Variants in NCALD observed in about 807,000 individuals in gnomAD.
NCALD encodes neurocalcin-delta.
Under a neutral mutation model 18.6 loss-of-function variants are expected in NCALD, and 10 were observed. The observed-to-expected ratio is 0.54, with a 90% CI of 0.33 to 0.91. The LOEUF is 0.91. Ranked by LOEUF, NCALD falls within the 40% of genes least tolerant of loss-of-function variation. The probability of loss-of-function intolerance (pLI) is 0.03; values close to 1 mark genes in which losing one functional copy is unlikely to be tolerated. For synonymous variants in NCALD, 88 were observed against 87.4 expected (o/e 1.01, Z -0.04); for missense variants, 184 against 247.6 (o/e 0.74, Z 1.72).
intron 1 of NCALD, among the ~76,000 whole-genome samples, chr8:102,120,821 C>T (rs913867735): frequency 6.6e-6 from 1 of 152,108 alleles, no homozygotes; most frequent in Non-Finnish European, 1.5e-5. Context: ...TCAATAAATG[C>T]CAATATCAAT....
At chr8:101,768,290 C>A (rs764424062) in intron 1 of NCALD, among the ~76,000 whole-genome samples, 2 of 152,226 alleles carry the variant, frequency 1.3e-5, no homozygotes, top group Admixed American at 1.3e-4. Context: ...ACCAGCAGAT[C>A]TTATTCTCAC....
chr8:101,813,128 T>C (rs1813368424), intron 4 of NCALD, among the ~76,000 whole-genome samples: 1 of 152,036 alleles, frequency 6.6e-6, no homozygotes. Flanking sequence ...TATTGAAGAA[T>C]TTAAACATTT....
chr8:101,982,036 C>A lies in NCALD; in HGVS notation c.-157+38201G>T, dbSNP rs75100990. Among the ~76,000 whole-genome samples, 254 of 152,188 alleles carry A rather than the reference C, an allele frequency of 1.7e-3. 5 individuals carry two copies. The East Asian group carries it at 0.047, about 28-fold the overall frequency. On this transcript the variant is annotated intron_variant, in intron 2 of 6. Transcript: ENST00000311028. ...ATTGTTGGAAAAAGTGTGGCACCTC[C>A]TCTGTCTCTTTCTTGCTCCCACTCT...
chr8:101,872,303 T>TCC, intron 4 of NCALD: 1 of 1,365,620 alleles, frequency 7.3e-7, no homozygotes, highest in Non-Finnish European at 1.0e-6. Context: ...TTAATTGCTT[T>TCC]CCCCTCAGCG....
chr8:101,706,386 T>A (rs1248969800), intron 2 of NCALD, among the ~76,000 whole-genome samples: 1 of 152,092 alleles, frequency 6.6e-6, no homozygotes, highest in Non-Finnish European at 1.5e-5. Flanking sequence ...ATTGGCTTTG[T>A]ACCAGTGCAA....
intron 1 of NCALD, among the ~76,000 whole-genome samples, chr8:101,749,792 A>T (rs1472404020): frequency 6.6e-6 from 1 of 152,130 alleles, no homozygotes; most frequent in Non-Finnish European, 1.5e-5. Context: ...TTAAAGTCAA[A>T]TATATTCCCT....
chr8:102,048,074 T>C (rs1337650120), intron 1 of NCALD, among the ~76,000 whole-genome samples: 1 of 152,226 alleles, frequency 6.6e-6, no homozygotes, highest in Non-Finnish European at 1.5e-5. Context: ...AGAAGATTGA[T>C]TAAAGCTTTC....
intron 1 of NCALD, among the ~76,000 whole-genome samples, chr8:101,789,525 C>T (rs569828639): frequency 3.9e-5 from 6 of 152,170 alleles, no homozygotes; most frequent in African/African-American, 1.4e-4. Context: ...AATTTTTCAC[C>T]TCCAAGAGTA....
chr8:101,792,863 T>C (rs886732232), upstream of NCALD, among the ~76,000 whole-genome samples: 5 of 150,798 alleles, frequency 3.3e-5, no homozygotes, highest in Non-Finnish European at 7.4e-5. Flanking sequence ...TGCTAATAGG[T>C]GATGTCTTCT....
At chr8:102,007,733 CCTT>C (rs1422225484) in intron 2 of NCALD, among the ~76,000 whole-genome samples, 2 of 152,160 alleles carry the variant, frequency 1.3e-5, no homozygotes, top group Non-Finnish European at 2.9e-5. Context: ...ACACTAGAGT[CCTT>C]CTACTTCCTC....
chr8:101,774,655 T>C (rs1005177782), intron 1 of NCALD, among the ~76,000 whole-genome samples: 1 of 152,118 alleles, frequency 6.6e-6, no homozygotes, highest in Non-Finnish European at 1.5e-5. Context: ...AGTGATGGAG[T>C]GCATGGGCAG....
chr8:101,767,035 T>G (rs1463694955), intron 1 of NCALD, among the ~76,000 whole-genome samples: 1 of 152,242 alleles, frequency 6.6e-6, no homozygotes, highest in Non-Finnish European at 1.5e-5. Flanking sequence ...TTGTTGTTCC[T>G]GCTATCATTT....
At chr8:102,072,062 G>T (rs1824193932) in intron 1 of NCALD, among the ~76,000 whole-genome samples, 1 of 148,164 alleles carries the variant, frequency 6.7e-6, no homozygotes, top group Admixed American at 6.7e-5. Context: ...TAAACGGCCA[G>T]ACTTCAAGAC....
chr8:101,705,096 G>A (rs1461709173), intron 2 of NCALD, among the ~76,000 whole-genome samples: 1 of 151,610 alleles, frequency 6.6e-6, no homozygotes, highest in Non-Finnish European at 1.5e-5. Context: ...GCATGGTGGT[G>A]CGCACCTGTA....
At chr8:102,043,613 T>G (rs1415339460) in intron 1 of NCALD, among the ~76,000 whole-genome samples, 2 of 151,154 alleles carry the variant, frequency 1.3e-5, no homozygotes, top group Admixed American at 1.3e-4. Context: ...AGGCGGTTAG[T>G]TAGGAGCTGT....
rs1814714356 is a variant in NCALD at position 101,691,183 on chromosome 8, T to C, written c.484+1608A>G. On this transcript the variant is annotated intron_variant, in intron 3 of 3. Coordinates refer to ENST00000220931, the MANE Select transcript of NCALD (RefSeq NM_032041.3). ...TGAGCTGAAGCACCCAGTCTCCTGG[T>C]TGAGCTAAGATTCCTCTGACAGCTG... 5.1e-6 allele frequency: 5 copies of C among 985,330 alleles called. No individual in the cohort carries two copies. The Middle Eastern group carries it at 1.5e-3, about 305-fold the overall frequency. 61.0% of individuals were successfully genotyped at this position (985,330 alleles called of 1,614,324 possible).
At chr8:101,829,888 C>A (rs1184437104) in intron 4 of NCALD, among the ~76,000 whole-genome samples, 1 of 150,376 alleles carries the variant, frequency 6.6e-6, no homozygotes, top group East Asian at 2.0e-4. Flanking sequence ...AGGCATTTGG[C>A]ATTTTGTTTG....
chr8:101,900,343 C>T (rs1817374310), intron 3 of NCALD, among the ~76,000 whole-genome samples: 1 of 151,664 alleles, frequency 6.6e-6, no homozygotes, highest in African/African-American at 2.4e-5. Context: ...TTATTAATTT[C>T]TGCTTTTATC....
chr8:102,060,854 A>G (rs1179347365), intron 1 of NCALD, among the ~76,000 whole-genome samples: 1 of 152,344 alleles, frequency 6.6e-6, no homozygotes, highest in Admixed American at 6.5e-5. Context: ...GAATGAGGAC[A>G]CAGGTCAAAC....
Sources: allele counts gnomAD v4.1 joint callset (sites outside exome capture counted in the v4.1 genomes callset), GRCh38; gene constraint gnomAD v4.1.1; transcripts MANE v1.5; gene names NCBI Gene and HGNC (gene_info 2026-07-23, HGNC 2026-07-21).